Variants in NKAIN2 observed in about 807,000 individuals in gnomAD.
NKAIN2 encodes the protein sodium/potassium-transporting ATPase subunit beta-1-interacting protein 2.
A neutral mutation model predicts 32.6 loss-of-function variants in NKAIN2; 14 were observed. The observed-to-expected ratio is 0.43, with a 90% CI of 0.28 to 0.67. NKAIN2 has a LOEUF of 0.67. NKAIN2 is among the 30% of genes least tolerant of loss of function. NKAIN2 has a pLI of 0.17. For missense variants in NKAIN2, 198 were observed against 258.3 expected (o/e 0.77, Z 1.60); for synonymous variants, 80 against 87.2 (o/e 0.92, Z 0.46).
chr6:123,918,207 A>G (rs1379005901), intron 1 of NKAIN2, among the ~76,000 whole-genome samples: 1 of 152,178 alleles, frequency 6.6e-6, no homozygotes, highest in Non-Finnish European at 1.5e-5. Flanking sequence ...ATTACCAAAT[A>G]TTACAAATAG....
intron 1 of NKAIN2, among the ~76,000 whole-genome samples, chr6:123,969,482 T>C (rs984963784): frequency 6.6e-6 from 1 of 152,164 alleles, no homozygotes; most frequent in Non-Finnish European, 1.5e-5. Context: ...CACATTTATG[T>C]AGACCTAAAT....
intron 1 of NKAIN2, among the ~76,000 whole-genome samples, chr6:123,915,736 G>A (rs189849710): frequency 3.3e-5 from 5 of 152,104 alleles, no homozygotes; most frequent in Admixed American, 1.3e-4. Context: ...GCACATGCAC[G>A]AATTCTCTTG....
intron 3 of NKAIN2, among the ~76,000 whole-genome samples, chr6:124,457,349 A>G (rs545928429): frequency 6.6e-6 from 1 of 152,088 alleles, no homozygotes; most frequent in South Asian, 2.1e-4. Context: ...ACATCGGAGA[A>G]ATGCTGAAAG....
intron 1 of NKAIN2, among the ~76,000 whole-genome samples, chr6:123,945,406 T>C (rs1247859486): frequency 6.6e-6 from 1 of 152,122 alleles, no homozygotes; most frequent in Non-Finnish European, 1.5e-5. Context: ...TGTGGTAAAA[T>C]TCAGATAGAG....
chr6:124,778,145 T>A (rs1562378044), intron 4 of NKAIN2, among the ~76,000 whole-genome samples: 1 of 152,160 alleles, frequency 6.6e-6, no homozygotes, highest in Non-Finnish European at 1.5e-5. Flanking sequence ...GCAAACAGCT[T>A]GCTCTCCCCC....
chr6:124,365,774 G>A (rs1799492456), intron 3 of NKAIN2, among the ~76,000 whole-genome samples: 1 of 152,006 alleles, frequency 6.6e-6, no homozygotes, highest in African/African-American at 2.4e-5. Flanking sequence ...AATGTAGAAA[G>A]TCAAATTTTA....
intron 1 of NKAIN2, among the ~76,000 whole-genome samples, chr6:123,983,819 GTTGT>G (rs1380132373): frequency 2.0e-5 from 3 of 151,940 alleles, no homozygotes; most frequent in Non-Finnish European, 2.9e-5. Context: ...ATTTTATGCA[GTTGT>G]TCTTCATGGT....
At chr6:124,409,587 G>T (rs548818396) in intron 3 of NKAIN2, among the ~76,000 whole-genome samples, 1,935 of 152,184 alleles carry the variant, frequency 0.013, 33 homozygotes, top group African/African-American at 0.044. Context: ...GTTGCTGGAT[G>T]CGGTTTGCCA....
intron 3 of NKAIN2, chr6:124,390,808 C>A (rs1773108081): frequency 6.6e-6 from 1 of 152,036 alleles, no homozygotes; most frequent in African/African-American, 2.4e-5. Flanking sequence ...ACTGCAAATC[C>A]AGAATTTCAG....
intron 1 of NKAIN2, among the ~76,000 whole-genome samples, chr6:124,147,859 A>C (rs185130250): frequency 4.1e-4 from 63 of 152,212 alleles, no homozygotes; most frequent in African/African-American, 1.5e-3. Flanking sequence ...CTTAAATCTC[A>C]GCTTTGTTTC....
intron 3 of NKAIN2, among the ~76,000 whole-genome samples, chr6:124,555,212 G>A (rs1780428603): frequency 1.3e-5 from 2 of 152,174 alleles, no homozygotes; most frequent in South Asian, 4.1e-4. Context: ...GTTATGCCAG[G>A]TGGAGTGGCA....
At chr6:123,939,595 G>A (rs572939428) in intron 1 of NKAIN2, among the ~76,000 whole-genome samples, 1 of 151,782 alleles carries the variant, frequency 6.6e-6, no homozygotes, top group Non-Finnish European at 1.5e-5. Context: ...AATGCACTCT[G>A]ATATTTTCTA....
intron 1 of NKAIN2, among the ~76,000 whole-genome samples, chr6:124,231,122 G>A (rs1335301117): frequency 6.6e-6 from 1 of 152,226 alleles, no homozygotes; most frequent in African/African-American, 2.4e-5. Flanking sequence ...TGTGAGACAC[G>A]GTGTCAAAGG....
chr6:124,392,756 A>G (rs1300774387), intron 3 of NKAIN2, among the ~76,000 whole-genome samples: 1 of 152,186 alleles, frequency 6.6e-6, no homozygotes, highest in Non-Finnish European at 1.5e-5. Context: ...GCTGCATTTG[A>G]CAGCAATGCC....
In NKAIN2 at chr6:124,494,128, TA is replaced by T. The variant is rs367744329; in HGVS notation, c.273+138783del. Among the ~76,000 whole-genome samples the T allele has an allele frequency of 2.6e-4, 40 of 152,206 alleles. No homozygotes were observed. In the East Asian group the frequency reaches 7.2e-3, roughly 27 times the overall value. On this transcript the variant is annotated intron_variant, in intron 3 of 6. Coordinates refer to ENST00000368417, the MANE Select transcript of NKAIN2 (RefSeq NM_001040214.3). ...TATATCTGTTCCGCTACCTCTATTG[TA>T]ATGCAAAATGAATCGTATTGCATGG...
chr6:123,953,984 A>C (rs548824168), intron 1 of NKAIN2, among the ~76,000 whole-genome samples: 1 of 152,328 alleles, frequency 6.6e-6, no homozygotes, highest in African/African-American at 2.4e-5. Context: ...TTGCACTTAA[A>C]GTGCTTGAAT....
chr6:123,918,184 T>A (rs1775585215), intron 1 of NKAIN2, among the ~76,000 whole-genome samples: 1 of 152,172 alleles, frequency 6.6e-6, no homozygotes, highest in Admixed American at 6.5e-5. Context: ...GTAGATGTAT[T>A]TACATTATGG....
chr6:124,539,520 A>G (rs1779834200), intron 3 of NKAIN2, among the ~76,000 whole-genome samples: 1 of 152,204 alleles, frequency 6.6e-6, no homozygotes, highest in Admixed American at 6.5e-5. Flanking sequence ...GGTATTTTAT[A>G]ACGTGCAATA....
chr6:124,047,132 C>T (rs1251580027), intron 1 of NKAIN2, among the ~76,000 whole-genome samples: 1 of 151,808 alleles, frequency 6.6e-6, no homozygotes, highest in Non-Finnish European at 1.5e-5. Context: ...CTTTACAATC[C>T]AATTACTTTA....
Sources: allele counts gnomAD v4.1 joint callset (sites outside exome capture counted in the v4.1 genomes callset), GRCh38; gene constraint gnomAD v4.1.1; transcripts MANE v1.5; gene names NCBI Gene and HGNC (gene_info 2026-07-23, HGNC 2026-07-21).